The following ZDHHC5 variants were observed in gnomAD, a reference collection of about 807,000 sequenced individuals.
The protein encoded by ZDHHC5 is zDHHC palmitoyltransferase 5.
Under a neutral mutation model 70.0 loss-of-function variants are expected in ZDHHC5, and 22 were observed. The ratio of observed to expected loss-of-function variants is 0.31; its 90% CI spans 0.22 to 0.45. ZDHHC5 has a LOEUF of 0.45. ZDHHC5 is among the 20% of genes least tolerant of loss of function. The pLI, the probability that ZDHHC5 is intolerant of heterozygous loss-of-function variation, is 1.00. For synonymous variants in ZDHHC5, 313 were observed against 347.8 expected (o/e 0.90, Z 1.11); for missense variants, 746 against 926.9 (o/e 0.80, Z 2.53).
At chr11:57,696,150 G>A (rs1242451497) in intron 9 of ZDHHC5, 107 bp downstream of exon 9, 3 of 1,464,702 alleles carry the variant, frequency 2.0e-6, no homozygotes, top group Middle Eastern at 2.0e-4. Flanking sequence ...TACTCGTGTT[G>A]TGACTTTAAA....
At chr11:57,679,542 A>G (rs143550851) in intron 2 of ZDHHC5, among the ~76,000 whole-genome samples, 2 of 152,164 alleles carry the variant, frequency 1.3e-5, no homozygotes, top group East Asian at 3.8e-4. Context: ...CTGAGATGGT[A>G]TAGGTCTGGT....
chr11:57,683,515 T>G (rs985799367), intron 3 of ZDHHC5, among the ~76,000 whole-genome samples: 1 of 152,322 alleles, frequency 6.6e-6, no homozygotes, highest in African/African-American at 2.4e-5. Context: ...GGATACTGAT[T>G]TTTATAAACC....
chr11:57,693,753 G>GTC lies in ZDHHC5; in HGVS notation c.753-11_753-10dup, dbSNP rs141993890. On this transcript the variant is annotated intron_variant, in intron 7 of 11. Transcript: ENST00000287169. The stretch of plus-strand genomic sequence containing the variant: ...AAATGAATGAAAGCTCTCTCGCTGT[G>GTC]TCTCTCTCTCTCTCTCTCTCGACAC... The GTC allele has an allele frequency of 3.7e-3, 5,220 of 1,422,466 alleles. 16 individuals are homozygous for GTC. Among genetic ancestry groups the GTC allele is most frequent in the African/African-American group, 0.023 (1,554 of 68,758 alleles). 88.1% of individuals were successfully genotyped at this position (1,422,466 alleles called of 1,614,324 possible). A position where few individuals can be genotyped will look rare whatever the true frequency, so the allele number is the denominator to read the frequency against.
chr11:57,687,344 G>T (rs1222100889), intron 3 of ZDHHC5, among the ~76,000 whole-genome samples: 1 of 152,014 alleles, frequency 6.6e-6, no homozygotes, highest in Non-Finnish European at 1.5e-5. Flanking sequence ...GCTGAGGCAG[G>T]TGGATTGCCT....
chr11:57,689,976 G>A, intron 4 of ZDHHC5, 55 bp from the exon 5 acceptor site: 2 of 1,569,298 alleles, frequency 1.3e-6, no homozygotes, highest in South Asian at 1.2e-5. Flanking sequence ...CTTGACAGAA[G>A]TAATTTAATG....
intron 6 of ZDHHC5, among the ~76,000 whole-genome samples, chr11:57,690,779 ATAGG>A: frequency 6.6e-6 from 1 of 152,176 alleles, no homozygotes; most frequent in Non-Finnish European, 1.5e-5. Context: ...GTTCTCACTC[ATAGG>A]TGGGAACTGA....
intron 9 of ZDHHC5, 44 bp downstream of exon 9, chr11:57,696,087 G>C: frequency 6.3e-7 from 1 of 1,581,672 alleles, no homozygotes; most frequent in Non-Finnish European, 8.6e-7. Flanking sequence ...CTAGGGGCAG[G>C]ATTGAGAAGG....
rs769574039 is a variant in ZDHHC5, at chr11:57,700,070, C to T, written c.*39C>T. The T allele has an allele frequency of 2.0e-5, 30 of 1,523,042 alleles. No homozygotes were observed. Among genetic ancestry groups the T allele is most frequent in the Admixed American group, 6.7e-5 (3 of 44,494 alleles). The allele number at this position is 1,523,042 out of a possible 1,614,324, so 94.3% of individuals were successfully genotyped here. On this transcript the variant is annotated 3_prime_UTR_variant, in exon 12 of 12. Coordinates refer to ENST00000287169, the MANE Select transcript of ZDHHC5 (RefSeq NM_015457.3). ...CCCCTCCCCAACGCCTCTGCGCCTA[C>T]ACCAAAGGGCCCCAGGTGGCCACCT... is the stretch of plus-strand genomic sequence containing the variant.
intron 2 of ZDHHC5, among the ~76,000 whole-genome samples, chr11:57,680,438 C>T (rs1343853094): frequency 6.6e-6 from 1 of 152,144 alleles, no homozygotes; most frequent in Non-Finnish European, 1.5e-5. Flanking sequence ...CAGGAGGTTT[C>T]ATATCTTGTT....
chr11:57,690,939 T>C (rs967176696), intron 6 of ZDHHC5, among the ~76,000 whole-genome samples: 18 of 152,276 alleles, frequency 1.2e-4, no homozygotes, highest in African/African-American at 4.1e-4. Context: ...ATGGCACATG[T>C]ATACATATGT....
chr11:57,682,624 C>T, intron 3 of ZDHHC5, 81 bp downstream of exon 3: 1 of 1,472,876 alleles, frequency 6.8e-7, no homozygotes, highest in Non-Finnish European at 9.1e-7. Flanking sequence ...TGATCTTGGG[C>T]CTTAAGAGTC....
At position 57,695,963 on chromosome 11, in the gene ZDHHC5, C is replaced by T; in HGVS notation, c.929C>T (p.Ala310Val). ...ATAACAGAGAGCCAGTCTGCAGATG[C>T]TGAACCTCCACCTCCTCCTAAGCCA... is the stretch of plus-strand genomic sequence containing the variant. ...LEITESQSAD[A>V]EPPPPPKPDL... Residue 310 changes from alanine to valine, a missense_variant, in exon 9 of 12, where the codon GCT becomes GTT. Physicochemically the swap from Ala to Val is moderately conservative, Grantham distance 64. Coordinates refer to ENST00000287169, the MANE Select transcript of ZDHHC5 (RefSeq NM_015457.3). The T allele has an allele frequency of 6.2e-7, 1 of 1,614,142 alleles. No homozygotes were observed. The highest frequency in any genetic ancestry group is 8.5e-7 in the Non-Finnish European group (1 of 1,180,028).
At chr11:57,695,164 A>G (rs1946333180) in intron 8 of ZDHHC5, among the ~76,000 whole-genome samples, 1 of 152,156 alleles carries the variant, frequency 6.6e-6, no homozygotes, top group Non-Finnish European at 1.5e-5. Flanking sequence ...TGGGAGGCTG[A>G]GGTAGGAGAA....
intron 4 of ZDHHC5, among the ~76,000 whole-genome samples, chr11:57,689,500 C>G (rs1016808072): frequency 6.6e-6 from 1 of 152,014 alleles, no homozygotes; most frequent in Non-Finnish European, 1.5e-5. Flanking sequence ...GCCTCAGCCT[C>G]CTGAGTAGCT....
chr11:57,690,033 A>C lies in ZDHHC5; in HGVS notation c.387A>C (p.Glu129Asp), dbSNP rs774193073. The C allele has an allele frequency of 8.7e-6, 14 of 1,614,060 alleles. No individual in the cohort carries two copies. In the East Asian group the frequency reaches 2.7e-4, roughly 31 times the overall value. Residue 129 changes from glutamate to aspartate, a missense_variant and splice_region_variant, in exon 5 of 12, where the codon GAA (glutamate) becomes GAC (aspartate). By Grantham distance (45) the Glu-to-Asp change is conservative. This residue lies in a region of ZDHHC5 where 18 missense variants were observed against 66.8 expected (regional missense o/e 0.27). Transcript: ENST00000287169. ...HCSVCDNCVEEFDHHCPWVNN... is the reference protein window; with the variant it reads ...HCSVCDNCVEDFDHHCPWVNN... ...CATCTGTCTCTCTTTGTCCCTAGGAATTTGATCATCACTGCCCCTGGGTGA... is the reference window on the plus strand; with the variant it reads ...CATCTGTCTCTCTTTGTCCCTAGGACTTTGATCATCACTGCCCCTGGGTGA...
chr11:57,692,025 G>T (rs627861), intron 6 of ZDHHC5, among the ~76,000 whole-genome samples: 1 of 150,058 alleles, frequency 6.7e-6, no homozygotes, highest in Non-Finnish European at 1.5e-5. Context: ...GTATCGCTTT[G>T]TCACCCAGGC....
intron 7 of ZDHHC5, among the ~76,000 whole-genome samples, chr11:57,693,510 C>T (rs1214342480): frequency 6.6e-6 from 1 of 152,090 alleles, no homozygotes; most frequent in African/African-American, 2.4e-5. Context: ...TGATATTCTT[C>T]AGGTATTAAG....
At chr11:57,694,444 CTCTG>C (rs1261126992) in intron 8 of ZDHHC5, among the ~76,000 whole-genome samples, 1 of 151,996 alleles carries the variant, frequency 6.6e-6, no homozygotes, top group African/African-American at 2.4e-5. Context: ...TCACTGCAAC[CTCTG>C]CCTCCCAGGT....
At chr11:57,679,523 C>T (rs1034326032) in intron 2 of ZDHHC5, among the ~76,000 whole-genome samples, 6 of 152,110 alleles carry the variant, frequency 3.9e-5, no homozygotes, top group Admixed American at 2.6e-4. Flanking sequence ...GCAGAAGAAC[C>T]CGTTCTACCT....
Sources: allele counts gnomAD v4.1 joint callset (sites outside exome capture counted in the v4.1 genomes callset), GRCh38; gene constraint gnomAD v4.1.1; regional missense constraint gnomAD v4.1.1; transcripts MANE v1.5; gene names NCBI Gene and HGNC (gene_info 2026-07-23, HGNC 2026-07-21).